Variants in MARK4 observed in about 807,000 individuals in gnomAD.
The protein encoded by MARK4 is microtubule affinity regulating kinase 4.
Under a neutral mutation model 81.5 loss-of-function variants are expected in MARK4, and 19 were observed. The ratio of observed to expected loss-of-function variants is 0.23; its 90% CI spans 0.16 to 0.34. MARK4 has a LOEUF of 0.34. Among genes scored for constraint, MARK4 ranks in the 10% least tolerant of loss-of-function variants. The pLI is 1.00. For missense variants in MARK4, 772 were observed against 1,058.8 expected, an observed-to-expected ratio of 0.73 and a Z score of 3.76; for synonymous variants, 436 against 439.0, an observed-to-expected ratio of 0.99 and a Z score of 0.08.
chr19:45,299,331 G>A (rs1038212767), intron 15 of MARK4, among the ~76,000 whole-genome samples: 2 of 152,182 alleles, frequency 1.3e-5, no homozygotes, highest in Admixed American at 1.3e-4. Context: ...GGCCAAGGCA[G>A]GAAGATTGCT....
Position 45,296,051 on chromosome 19 carries a change from A to C in MARK4, c.1598+1599A>C, listed in dbSNP as rs552827198. Among the ~76,000 whole-genome samples, 21 of 152,298 alleles carry C rather than the reference A, an allele frequency of 1.4e-4. No individual in the cohort carries two copies. The South Asian group carries it at 4.1e-3, about 30-fold the overall frequency. ...ATATCTCCATTTTACAGCTGAGGAC[A>C]TAAGGCACAGAGAGGTTAAGTAACT... On this transcript the variant is annotated intron_variant, in intron 14 of 16. Transcript: ENST00000262891.
chr19:45,278,392 ATC>A (rs1481141395), intron 9 of MARK4, 122 bp from the exon 10 acceptor site: 1 of 840,068 alleles, frequency 1.2e-6, no homozygotes, highest in African/African-American at 1.7e-5. Flanking sequence ...AGGAGGCGCT[ATC>A]TCTTAGGAAG....
chr19:45,263,041 C>T (rs894856151), intron 2 of MARK4, 72 bp from the exon 3 acceptor site: 3 of 1,532,750 alleles, frequency 2.0e-6, no homozygotes, highest in African/African-American at 2.7e-5. Flanking sequence ...GCTGGGATTA[C>T]AGGCCTGAGC....
chr19:45,295,083 C>T (rs1293155756), intron 14 of MARK4, among the ~76,000 whole-genome samples: 1 of 151,980 alleles, frequency 6.6e-6, no homozygotes, highest in Non-Finnish European at 1.5e-5. Flanking sequence ...GGCACAGTGG[C>T]TCATGCCTGT....
At chr19:45,284,642 T>C (rs978143206) in intron 12 of MARK4, among the ~76,000 whole-genome samples, 1 of 152,102 alleles carries the variant, frequency 6.6e-6, no homozygotes, top group Non-Finnish European at 1.5e-5. Context: ...CCTAGATTTC[T>C]TACATCTCAG....
rs193244493 is a variant in MARK4, at chr19:45,278,640, G to C, written c.1006+25G>C. The stretch of plus-strand genomic sequence containing the variant: ...GGTGAGGGTCAGGGAGAGCCATCCT[G>C]TCACCCAGGATGGAGTGCAGTGGTG... On this transcript the variant is annotated intron_variant, in intron 10 of 16. Coordinates refer to ENST00000262891, the MANE Select transcript of MARK4 (RefSeq NM_001199867.2). 21 of 1,571,568 alleles carry C rather than the reference G, an allele frequency of 1.3e-5. 1 individual carries two copies. Among genetic ancestry groups the C allele is most frequent in the Admixed American group, 5.0e-5 (3 of 59,890 alleles).
intron 6 of MARK4, 100 bp downstream of exon 6, chr19:45,265,010 G>A (rs1970432972): frequency 1.2e-5 from 14 of 1,206,320 alleles, no homozygotes; most frequent in African/African-American, 4.5e-5. Context: ...ACCTGGGGGC[G>A]GGGCTTAAGT....
intron 14 of MARK4, among the ~76,000 whole-genome samples, chr19:45,295,697 T>C (rs1002746481): frequency 7.9e-5 from 12 of 152,194 alleles, no homozygotes; most frequent in South Asian, 2.1e-4. Flanking sequence ...GAGAATCGCT[T>C]GAACCTGGGA....
chr19:45,276,131 A>G (rs1002009024), intron 8 of MARK4, among the ~76,000 whole-genome samples: 5 of 152,062 alleles, frequency 3.3e-5, no homozygotes, highest in East Asian at 3.9e-4. Context: ...GGCTCAAGCA[A>G]TCCTCCTGCT....
At chr19:45,259,886 A>G (rs969807992) in intron 2 of MARK4, among the ~76,000 whole-genome samples, 4 of 152,222 alleles carry the variant, frequency 2.6e-5, no homozygotes, top group African/African-American at 9.6e-5. Context: ...CAGGAGTTCG[A>G]GACCAGCCTG....
intron 15 of MARK4, 68 bp downstream of exon 15, chr19:45,298,022 C>T (rs978728879): frequency 3.2e-6 from 5 of 1,549,514 alleles, no homozygotes; most frequent in East Asian, 2.4e-5. Context: ...CTGTCTTCCA[C>T]TCTGCTCTGT....
chr19:45,259,026 G>T lies in MARK4; in HGVS notation c.89G>T (p.Gly30Val), dbSNP rs536838942. ...GGCAGTGGCCGCTCCTCGGACAAAG[G>T]CCCGTCCTGGTCCAGCCGCTCACTG... Reference protein sequence around the residue: ...TLGSGRSSDKGPSWSSRSLGA... With the variant: ...TLGSGRSSDKVPSWSSRSLGA... The change falls in exon 2 of 17, where the codon GGC (glycine) becomes GTC (valine). Residue 30 changes from glycine (G) to valine (V), a missense_variant. Transcript: ENST00000262891. The T allele has an allele frequency of 8.1e-6, 13 of 1,613,518 alleles. No homozygotes were observed. The East Asian group carries it at 1.8e-4, about 22-fold the overall frequency.
At chr19:45,275,850 T>C (rs950847422) in intron 8 of MARK4, among the ~76,000 whole-genome samples, 5 of 152,242 alleles carry the variant, frequency 3.3e-5, no homozygotes, top group Admixed American at 1.3e-4. Flanking sequence ...GTAAGTGTCC[T>C]GAAAGTGATC....
chr19:45,302,403 C>T lies in MARK4; in HGVS notation c.1952C>T (p.Thr651Ile). 3 of 1,614,166 alleles carry T rather than the reference C, an allele frequency of 1.9e-6. No individual in the cohort carries two copies. The highest frequency in any genetic ancestry group is 2.5e-6 in the Non-Finnish European group (3 of 1,179,988). Residue 651 changes from threonine to isoleucine, a missense_variant, in exon 17 of 17, where the codon ACC (threonine) becomes ATC (isoleucine). Thr to Ile is a moderately conservative substitution (Grantham distance 89). Transcript: ENST00000262891. The surrounding 1 kb of genome is among the most constrained non-coding windows in gnomAD (Gnocchi z 4.9). The part of the protein sequence containing the change: ...SCHLPWDQTE[T>I]APRLLRFPWS... ...CATCTACCTTGGGATCAAACGGAAA[C>T]CGCCCCCCGGCTGCTCCGATTCCCC... is the stretch of plus-strand genomic sequence containing the variant.
In MARK4 at chr19:45,303,530, G is replaced by T. The variant is rs1286214412; in HGVS notation, c.*820G>T. 1.3e-5 allele frequency: 2 copies of T among 152,212 alleles called. No homozygotes were observed. Among genetic ancestry groups the T allele is most frequent in the Non-Finnish European group, 2.9e-5 (2 of 68,054 alleles). The allele number at this position is 152,212 out of a possible 1,614,324, so 9.4% of individuals were successfully genotyped here. On this transcript the variant is annotated 3_prime_UTR_variant, in exon 17 of 17. Coordinates refer to ENST00000262891, the MANE Select transcript of MARK4 (RefSeq NM_001199867.2). ...GAAGGTAAGGATGGTCGTGGAAGAA[G>T]GCAGGATGGAACTCGGCCTCATCCC...
chr19:45,273,854 G>A (rs189057203), intron 8 of MARK4, among the ~76,000 whole-genome samples: 2 of 152,352 alleles, frequency 1.3e-5, no homozygotes, highest in Admixed American at 1.3e-4. Context: ...GGAACCCTGA[G>A]TGATGAAGAG....
intron 13 of MARK4, among the ~76,000 whole-genome samples, chr19:45,293,674 G>A (rs552595449): frequency 1.2e-4 from 18 of 152,270 alleles, no homozygotes; most frequent in Non-Finnish European, 2.2e-4. Flanking sequence ...GAAAAAGAGG[G>A]CTCTCTTCCT....
Position 45,259,063 on chromosome 19 carries a change from C to G in MARK4, c.126C>G (p.Cys42Trp), listed in dbSNP as rs764078045. 6.2e-7 allele frequency: 1 copy of G among 1,614,044 alleles called. No homozygotes were observed. The highest frequency in any genetic ancestry group is 1.7e-5 in the Admixed American group (1 of 60,012). ...SWSSRSLGARCRNSIASCPEE... is the reference protein window; with the variant it reads ...SWSSRSLGARWRNSIASCPEE... ...CCAGCCGCTCACTGGGTGCCCGTTG[C>G]CGGAACTCCATCGCCTCCTGTCCCG... The change falls in exon 2 of 17, where the codon TGC becomes TGG. Residue 42 changes from cysteine (C) to tryptophan (W), a missense_variant. Cys to Trp is a radical substitution (Grantham distance 215). Transcript: ENST00000262891.
At position 45,299,294 on chromosome 19, in the gene MARK4, C is replaced by T. The variant is rs949163104; in HGVS notation, c.1878-517C>T. Among the ~76,000 whole-genome samples the T allele has an allele frequency of 4.6e-5, 7 of 152,174 alleles. No homozygotes were observed. The East Asian group carries it at 5.8e-4, about 13-fold the overall frequency. ...CAAAAAACAAAAAGCAGATGTGGCA[C>T]GCGCCTGTAGTCCCAGCTACTTCAG... is the stretch of plus-strand genomic sequence containing the variant. On this transcript the variant is annotated intron_variant, in intron 15 of 16. Coordinates refer to ENST00000262891, the MANE Select transcript of MARK4 (RefSeq NM_001199867.2).
Sources: gnomAD v4.1 joint callset for allele counts (sites outside exome capture counted in the v4.1 genomes callset) on GRCh38, gnomAD v4.1.1 for gene constraint, Gnocchi (gnomAD v3.1) non-coding constraint, MANE v1.5 for transcripts, NCBI Gene and HGNC (gene_info 2026-07-23, HGNC 2026-07-21) for gene names.